Variants in UACA observed in about 807,000 individuals in gnomAD.
The protein encoded by UACA is uveal autoantigen with coiled-coil domains and ankyrin repeats.
Under a neutral mutation model 160.5 loss-of-function variants are expected in UACA, and 112 were observed. That is an observed-to-expected ratio of 0.70 (90% CI 0.60 to 0.82). The LOEUF is 0.82. Ranked by LOEUF, UACA falls within the 40% of genes least tolerant of loss-of-function variation. UACA has a pLI of 0.00. For synonymous variants in UACA, 557 were observed against 568.4 expected, an observed-to-expected ratio of 0.98 and a Z score of 0.29; for missense variants, 1,574 against 1,614.6, an observed-to-expected ratio of 0.97 and a Z score of 0.43.
chr15:70,755,276 G>T (rs1463897754), intron 1 of UACA, among the ~76,000 whole-genome samples: 1 of 152,000 alleles, frequency 6.6e-6, no homozygotes, highest in Admixed American at 6.6e-5. Flanking sequence ...TCACTAATAG[G>T]ATAATTTCTG....
intron 1 of UACA, among the ~76,000 whole-genome samples, chr15:70,756,598 C>A (rs1485450832): frequency 6.6e-6 from 1 of 151,970 alleles, no homozygotes; most frequent in Non-Finnish European, 1.5e-5. Context: ...CTCAGCTGGG[C>A]GAGGTGGCTC....
chr15:70,659,036 C>A (rs1896583040), intron 18 of UACA, among the ~76,000 whole-genome samples: 1 of 152,094 alleles, frequency 6.6e-6, no homozygotes, highest in African/African-American at 2.4e-5. Context: ...CTCTCATGGC[C>A]AATACTAGTG....
intron 7 of UACA, 114 bp downstream of exon 7, chr15:70,687,426 G>T: frequency 1.1e-6 from 1 of 883,982 alleles, no homozygotes; most frequent in Admixed American, 2.1e-5. Flanking sequence ...GCCAGGGAAG[G>T]GGAGAACCCA....
At chr15:70,719,046 G>A (rs1310643585) in intron 1 of UACA, among the ~76,000 whole-genome samples, 2 of 151,660 alleles carry the variant, frequency 1.3e-5, no homozygotes, top group Non-Finnish European at 2.9e-5. Context: ...AGGGAGGAAG[G>A]AAGGGTAGAA....
intron 1 of UACA, among the ~76,000 whole-genome samples, chr15:70,706,451 A>C (rs1898524061): frequency 6.6e-6 from 1 of 151,944 alleles, no homozygotes; most frequent in Non-Finnish European, 1.5e-5. Flanking sequence ...AAAGAAATAA[A>C]AGACATCCAA....
At chr15:70,704,999 T>A (rs957201014) in intron 1 of UACA, among the ~76,000 whole-genome samples, 2 of 152,146 alleles carry the variant, frequency 1.3e-5, no homozygotes, top group Non-Finnish European at 2.9e-5. Flanking sequence ...CGTATTTGAA[T>A]ACAGTTTGAA....
In UACA at chr15:70,667,353, G is replaced by A. The variant is rs998603734; in HGVS notation, c.3331C>T (p.His1111Tyr). The change falls in exon 16 of 19, where the codon CAT (histidine) becomes TAT (tyrosine). Residue 1111 changes from histidine to tyrosine, a missense_variant. His to Tyr is a moderately conservative substitution (Grantham distance 83). Coordinates refer to ENST00000322954, the MANE Select transcript of UACA (RefSeq NM_018003.4). ...GCCTCAACCTGTTCCAATGGAACATGTTGTTTTTGCAAAAGATTTTGCACT... is the reference window on the plus strand; with the variant it reads ...GCCTCAACCTGTTCCAATGGAACATATTGTTTTTGCAAAAGATTTTGCACT... ...LAVQNLLQKQ[H>Y]VPLEQVEALK... 3.1e-6 allele frequency: 5 copies of A among 1,612,360 alleles called. No homozygotes were observed. In the Admixed American group the frequency reaches 8.4e-5, roughly 27 times the overall value.
chr15:70,663,145 T>G (rs1896777144), intron 17 of UACA, among the ~76,000 whole-genome samples: 1 of 152,106 alleles, frequency 6.6e-6, no homozygotes, highest in South Asian at 2.1e-4. Flanking sequence ...GAATCTACAA[T>G]GAACTCAAAC....
chr15:70,739,353 A>T (rs554025411), intron 1 of UACA, among the ~76,000 whole-genome samples: 1 of 152,134 alleles, frequency 6.6e-6, no homozygotes, highest in Non-Finnish European at 1.5e-5. Flanking sequence ...TCCCCACTAG[A>T]TACTAGCAAT....
intron 5 of UACA, among the ~76,000 whole-genome samples, chr15:70,689,373 C>T (rs1197508731): frequency 6.6e-6 from 1 of 152,038 alleles, no homozygotes; most frequent in Non-Finnish European, 1.5e-5. Flanking sequence ...TTCAATTGGT[C>T]AAGTTGTACC....
chr15:70,691,799 C>T (rs987359405), intron 3 of UACA, among the ~76,000 whole-genome samples: 25 of 152,120 alleles, frequency 1.6e-4, no homozygotes, highest in South Asian at 1.0e-3. Flanking sequence ...AGTTAAGAAG[C>T]GTAAGGCATA....
chr15:70,665,541 G>T (rs1228956938), intron 16 of UACA, among the ~76,000 whole-genome samples: 2 of 151,882 alleles, frequency 1.3e-5, no homozygotes, highest in African/African-American at 4.8e-5. Context: ...AGGAATTCAA[G>T]ACCAGCCTGG....
intron 10 of UACA, 82 bp from the exon 11 acceptor site, chr15:70,678,288 C>T (rs1347821694): frequency 3.6e-6 from 3 of 843,262 alleles, no homozygotes; most frequent in African/African-American, 3.4e-5. Context: ...AAGCAGTTCA[C>T]TACCATACAG....
intron 1 of UACA, among the ~76,000 whole-genome samples, chr15:70,750,240 C>G (rs756621312): frequency 6.6e-6 from 1 of 152,204 alleles, no homozygotes; most frequent in African/African-American, 2.4e-5. Context: ...CCATCCTCAA[C>G]AGAGCTACCA....
intron 1 of UACA, among the ~76,000 whole-genome samples, chr15:70,722,395 A>G (rs1899020273): frequency 6.6e-6 from 1 of 151,806 alleles, no homozygotes; most frequent in Non-Finnish European, 1.5e-5. Context: ...GTAGCTCATC[A>G]TGGCCTCGAT....
At chr15:70,672,041 C>A in intron 13 of UACA, 40 bp from the exon 14 acceptor site, 1 of 1,558,760 alleles carries the variant, frequency 6.4e-7, no homozygotes, top group Non-Finnish European at 8.7e-7. Context: ...GTGAATGCTG[C>A]CTCATTTTGT....
chr15:70,724,594 A>C (rs1305136501), intron 1 of UACA, among the ~76,000 whole-genome samples: 2 of 152,052 alleles, frequency 1.3e-5, no homozygotes, highest in Non-Finnish European at 2.9e-5. Flanking sequence ...TGAATGAACT[A>C]GTACAGCTAA....
chr15:70,693,312 T>A (rs969545971), intron 3 of UACA, among the ~76,000 whole-genome samples: 7 of 152,108 alleles, frequency 4.6e-5, no homozygotes, highest in Non-Finnish European at 1.0e-4. Flanking sequence ...CATACCAACA[T>A]AAATTACAAC....
At chr15:70,773,913 G>T in the UACA span, among the ~76,000 whole-genome samples, 2 of 152,106 alleles carry the variant, frequency 1.3e-5, no homozygotes, top group East Asian at 3.8e-4. Flanking sequence ...ACTAGCAAAG[G>T]GATTAGCTTG....
Sources: allele counts gnomAD v4.1 joint callset (sites outside exome capture counted in the v4.1 genomes callset), GRCh38; gene constraint gnomAD v4.1.1; transcripts MANE v1.5; gene names NCBI Gene and HGNC (gene_info 2026-07-23, HGNC 2026-07-21).